The following BICC1 variants were observed in gnomAD, a reference collection of about 807,000 sequenced individuals.
The protein encoded by BICC1 is BicC family RNA binding protein 1.
A neutral mutation model predicts 111.0 loss-of-function variants in BICC1; 43 were observed. The ratio of observed to expected loss-of-function variants is 0.39; its 90% CI spans 0.30 to 0.50. The LOEUF is 0.50. Among genes scored for constraint, BICC1 ranks in the 20% least tolerant of loss-of-function variants. BICC1 has a pLI of 0.88. For missense variants in BICC1, 1,091 were observed against 1,203.2 expected (o/e 0.91, Z 1.38); for synonymous variants, 467 against 434.4 (o/e 1.07, Z -0.93).
chr10:58,567,068 G>C (rs1420188058), intron 1 of BICC1, among the ~76,000 whole-genome samples: 1 of 152,160 alleles, frequency 6.6e-6, no homozygotes, highest in African/African-American at 2.4e-5. Context: ...AGCGGCAGCT[G>C]TGCAACTCTT....
At chr10:58,681,732 G>C (rs1370752741) in intron 2 of BICC1, among the ~76,000 whole-genome samples, 1 of 152,160 alleles carries the variant, frequency 6.6e-6, no homozygotes, top group African/African-American at 2.4e-5. Context: ...AGTTCTTAAA[G>C]ATGGTGTATC....
chr10:58,774,188 G>T (rs1199183390), intron 3 of BICC1, among the ~76,000 whole-genome samples: 1 of 152,174 alleles, frequency 6.6e-6, no homozygotes, highest in Non-Finnish European at 1.5e-5. Context: ...GCCAAAGTAT[G>T]TCAGTAAAAT....
At chr10:58,765,935 A>T (rs1842444325) in intron 3 of BICC1, among the ~76,000 whole-genome samples, 1 of 152,204 alleles carries the variant, frequency 6.6e-6, no homozygotes, top group Non-Finnish European at 1.5e-5. Context: ...GTGAATCCAA[A>T]TACTCTCTCT....
rs187984059 is a variant in BICC1 at position 58,667,344 on chromosome 10, T to G, written c.238-34730T>G. ...GTAATGATTTTTTAAAGTGAAGGTA[T>G]GAGGTATTTGAGGGAATTTTATGAA... On this transcript the variant is annotated intron_variant, in intron 2 of 20. Coordinates refer to ENST00000373886, the MANE Select transcript of BICC1 (RefSeq NM_001080512.3). Among the ~76,000 whole-genome samples, 15 of 152,240 alleles carry G rather than the reference T, an allele frequency of 9.9e-5. No individual in the cohort carries two copies. In the East Asian group the frequency reaches 2.7e-3, roughly 27 times the overall value.
chr10:58,818,701 T>G (rs1844170609), intron 19 of BICC1, among the ~76,000 whole-genome samples: 1 of 152,118 alleles, frequency 6.6e-6, no homozygotes, highest in Admixed American at 6.6e-5. Flanking sequence ...TTTTTCTGTT[T>G]CCCCTACATC....
At chr10:58,543,015 G>A (rs895028001) in intron 1 of BICC1, among the ~76,000 whole-genome samples, 2 of 151,978 alleles carry the variant, frequency 1.3e-5, no homozygotes, top group African/African-American at 4.8e-5. Flanking sequence ...TCTCACTTCT[G>A]GGTTTATATA....
chr10:58,712,515 A>G (rs1301320796), intron 3 of BICC1, among the ~76,000 whole-genome samples: 3 of 152,218 alleles, frequency 2.0e-5, no homozygotes, highest in Non-Finnish European at 2.9e-5. Flanking sequence ...AATATTATTC[A>G]GTGCTAAAAA....
chr10:58,682,584 G>C (rs10740753), intron 2 of BICC1, among the ~76,000 whole-genome samples: 2 of 152,152 alleles, frequency 1.3e-5, no homozygotes, highest in African/African-American at 4.8e-5. Flanking sequence ...ATGGTATCTC[G>C]TTGTGGTTTT....
chr10:58,620,732 C>G, intron 1 of BICC1, 123 bp from the exon 2 acceptor site: 1 of 816,844 alleles, frequency 1.2e-6, no homozygotes, highest in South Asian at 1.7e-5. Flanking sequence ...TTAGCAGGCA[C>G]TGAGCTGTGG....
At chr10:58,661,006 C>A (rs181496086) in intron 2 of BICC1, among the ~76,000 whole-genome samples, 1 of 152,134 alleles carries the variant, frequency 6.6e-6, no homozygotes, top group African/African-American at 2.4e-5. Flanking sequence ...GAGGTAAGTT[C>A]TCATTAATTG....
At chr10:58,782,302 A>G (rs1842903612) in intron 3 of BICC1, among the ~76,000 whole-genome samples, 1 of 152,212 alleles carries the variant, frequency 6.6e-6, no homozygotes, top group South Asian at 2.1e-4. Flanking sequence ...TTTGTAGATT[A>G]TCATACCACT....
At chr10:58,519,406 AAGG>A (rs1842332431) in intron 1 of BICC1, among the ~76,000 whole-genome samples, 1 of 152,132 alleles carries the variant, frequency 6.6e-6, no homozygotes, top group Non-Finnish European at 1.5e-5. Flanking sequence ...GGCAAAGAAG[AAGG>A]GGGTCAGAAT....
At chr10:58,785,552 G>T (rs537978274) in intron 4 of BICC1, among the ~76,000 whole-genome samples, 1 of 151,878 alleles carries the variant, frequency 6.6e-6, no homozygotes. Flanking sequence ...GTGTGATCAC[G>T]TGATGTCTCT....
At chr10:58,628,446 C>G (rs2132164336) in intron 2 of BICC1, among the ~76,000 whole-genome samples, 1 of 152,194 alleles carries the variant, frequency 6.6e-6, no homozygotes, top group African/African-American at 2.4e-5. Context: ...AAATGTCCCC[C>G]CTTTCATCCA....
intron 3 of BICC1, among the ~76,000 whole-genome samples, chr10:58,733,054 T>C (rs572818919): frequency 6.6e-6 from 1 of 151,420 alleles, no homozygotes; most frequent in East Asian, 1.9e-4. Flanking sequence ...AAAAATACAG[T>C]ATCTATAAAG....
chr10:58,563,826 G>T (rs1473817907), intron 1 of BICC1, among the ~76,000 whole-genome samples: 1 of 152,148 alleles, frequency 6.6e-6, no homozygotes, highest in African/African-American at 2.4e-5. Flanking sequence ...ATATGATGGG[G>T]TGATTGAAAT....
chr10:58,666,880 C>T (rs1233815883), intron 2 of BICC1, among the ~76,000 whole-genome samples: 1 of 151,996 alleles, frequency 6.6e-6, no homozygotes, highest in Non-Finnish European at 1.5e-5. Flanking sequence ...TCCTTGAGTT[C>T]CTCCCTGGAA....
intron 1 of BICC1, among the ~76,000 whole-genome samples, chr10:58,587,445 A>C (rs1844467550): frequency 6.6e-6 from 1 of 152,208 alleles, no homozygotes; most frequent in Admixed American, 6.5e-5. Flanking sequence ...CAGTACATAC[A>C]CTTACAGATA....
At chr10:58,626,684 T>C (rs1260925808) in intron 2 of BICC1, among the ~76,000 whole-genome samples, 1 of 152,204 alleles carries the variant, frequency 6.6e-6, no homozygotes, top group Non-Finnish European at 1.5e-5. Context: ...TCGAGTTGCA[T>C]TGTAATGGTA....
Sources: allele counts gnomAD v4.1 joint callset (sites outside exome capture counted in the v4.1 genomes callset), GRCh38; gene constraint gnomAD v4.1.1; transcripts MANE v1.5; gene names NCBI Gene and HGNC (gene_info 2026-07-23, HGNC 2026-07-21).